Variants in RCAN2 observed in about 807,000 individuals in gnomAD.
The protein encoded by RCAN2 is calcipressin-2.
RCAN2 carries 9 observed loss-of-function variants against 23.6 expected under a neutral mutation model. The observed-to-expected ratio is 0.38, with a 90% CI of 0.23 to 0.67. The LOEUF (loss-of-function observed/expected upper bound fraction) is 0.67, where lower values mean the gene tolerates loss of function less well. RCAN2 is among the 30% of genes least tolerant of loss of function. The pLI, the probability that RCAN2 is intolerant of heterozygous loss-of-function variation, is 0.51. For synonymous variants in RCAN2, 109 were observed against 115.7 expected, an observed-to-expected ratio of 0.94 and a Z score of 0.37; for missense variants, 273 against 302.3, an observed-to-expected ratio of 0.90 and a Z score of 0.72.
At chr6:46,354,084 C>A (rs942073378) in intron 2 of RCAN2, among the ~76,000 whole-genome samples, 3 of 152,008 alleles carry the variant, frequency 2.0e-5, no homozygotes, top group Non-Finnish European at 4.4e-5. Context: ...AGTTAAGTTT[C>A]CTTTTAAATG....
chr6:46,285,643 T>A (rs1656101340), intron 2 of RCAN2, among the ~76,000 whole-genome samples: 1 of 152,250 alleles, frequency 6.6e-6, no homozygotes, highest in South Asian at 2.1e-4. Flanking sequence ...CTTCCCTACC[T>A]ACTTTTCCTT....
At chr6:46,285,055 G>T (rs1366366421) in intron 2 of RCAN2, among the ~76,000 whole-genome samples, 1 of 152,052 alleles carries the variant, frequency 6.6e-6, no homozygotes, top group Admixed American at 6.6e-5. Flanking sequence ...ATCTATACAT[G>T]TTTGCTTTGC....
intron 2 of RCAN2, among the ~76,000 whole-genome samples, chr6:46,379,207 C>A (rs747670852): frequency 3.3e-5 from 5 of 152,172 alleles, no homozygotes; most frequent in Non-Finnish European, 5.9e-5. Context: ...GTACATCAAA[C>A]CTGCTGGGCC....
At chr6:46,385,649 G>C (rs1344836348) in intron 2 of RCAN2, among the ~76,000 whole-genome samples, 2 of 151,996 alleles carry the variant, frequency 1.3e-5, no homozygotes, top group African/African-American at 4.8e-5. Flanking sequence ...TTGAGGTCAG[G>C]AGTTCGAGAC....
chr6:46,287,127 G>A (rs1297973925), intron 2 of RCAN2, among the ~76,000 whole-genome samples: 2 of 152,190 alleles, frequency 1.3e-5, no homozygotes, highest in Admixed American at 6.5e-5. Flanking sequence ...AGAATGGGAA[G>A]AGGTCCTTCA....
At chr6:46,396,052 A>T (rs1036466813) in intron 2 of RCAN2, among the ~76,000 whole-genome samples, 1 of 152,214 alleles carries the variant, frequency 6.6e-6, no homozygotes, top group Non-Finnish European at 1.5e-5. Context: ...TCAACATGTT[A>T]TCACCTAATT....
intron 2 of RCAN2, among the ~76,000 whole-genome samples, chr6:46,327,036 T>C (rs999087295): frequency 1.3e-5 from 2 of 152,222 alleles, no homozygotes; most frequent in African/African-American, 4.8e-5. Context: ...CATATATGCA[T>C]ATAATCCAAC....
chr6:46,467,537 C>T (rs1166365561), intron 1 of RCAN2, among the ~76,000 whole-genome samples: 2 of 152,238 alleles, frequency 1.3e-5, no homozygotes, highest in African/African-American at 4.8e-5. Flanking sequence ...AGCTCCTCCT[C>T]TCTTTCCTAG....
intron 2 of RCAN2, among the ~76,000 whole-genome samples, chr6:46,293,988 A>C (rs1762642693): frequency 6.6e-6 from 1 of 152,182 alleles, no homozygotes; most frequent in African/African-American, 2.4e-5. Flanking sequence ...TACTGTATTT[A>C]TGTGCATCTT....
At chr6:46,412,449 TAG>T (rs1766574804) in intron 2 of RCAN2, among the ~76,000 whole-genome samples, 1 of 152,132 alleles carries the variant, frequency 6.6e-6, no homozygotes, top group South Asian at 2.1e-4. Context: ...ATGGCATTCA[TAG>T]CTATGGGGCT....
At chr6:46,470,667 A>T (rs1768533767) in intron 1 of RCAN2, among the ~76,000 whole-genome samples, 1 of 152,212 alleles carries the variant, frequency 6.6e-6, no homozygotes, top group Admixed American at 6.5e-5. Flanking sequence ...TATATTTCTT[A>T]AAACTGGTTT....
chr6:46,472,650 C>T (rs1423599416), intron 1 of RCAN2, among the ~76,000 whole-genome samples: 1 of 152,152 alleles, frequency 6.6e-6, no homozygotes, highest in Non-Finnish European at 1.5e-5. Flanking sequence ...TTCCAACCTG[C>T]AAATGCAGAT....
At chr6:46,279,224 T>A (rs1384314257) in intron 2 of RCAN2, among the ~76,000 whole-genome samples, 1 of 152,214 alleles carries the variant, frequency 6.6e-6, no homozygotes, top group Non-Finnish European at 1.5e-5. Flanking sequence ...CTGTTGATTC[T>A]CACTGTACCC....
chr6:46,362,131 A>T (rs948004771), intron 2 of RCAN2, among the ~76,000 whole-genome samples: 8 of 152,328 alleles, frequency 5.3e-5, no homozygotes, highest in Middle Eastern at 3.4e-3. Context: ...CAAGATCATG[A>T]TTGGGAAGAC....
chr6:46,262,179 A>G (rs1020466012), intron 2 of RCAN2, among the ~76,000 whole-genome samples: 1 of 151,832 alleles, frequency 6.6e-6, no homozygotes. Context: ...GGGCCTCTAA[A>G]TCTGCCACTC....
At chr6:46,224,703 T>G (rs1196100289) in intron 4 of RCAN2, among the ~76,000 whole-genome samples, 14 of 152,166 alleles carry the variant, frequency 9.2e-5, no homozygotes. Flanking sequence ...TATTGTCAGT[T>G]CCAGTGACAG....
chr6:46,344,155 C>T (rs1298163513), intron 2 of RCAN2, among the ~76,000 whole-genome samples: 2 of 152,082 alleles, frequency 1.3e-5, no homozygotes, highest in African/African-American at 4.8e-5. Context: ...TGTAAATTTG[C>T]TAGTAATCAT....
At chr6:46,279,974 T>C (rs184638120) in intron 2 of RCAN2, among the ~76,000 whole-genome samples, 32 of 152,332 alleles carry the variant, frequency 2.1e-4, no homozygotes, top group African/African-American at 7.7e-4. Flanking sequence ...GTGGTTGTTG[T>C]TATCATCCTT....
At chr6:46,477,124 C>G (rs1426776156) in intron 1 of RCAN2, among the ~76,000 whole-genome samples, 1 of 152,168 alleles carries the variant, frequency 6.6e-6, no homozygotes, top group East Asian at 1.9e-4. Context: ...AAACCTCCCT[C>G]TATGTAACTC....
Sources: allele counts gnomAD v4.1 joint callset (sites outside exome capture counted in the v4.1 genomes callset), GRCh38; gene constraint gnomAD v4.1.1; transcripts MANE v1.5; gene names NCBI Gene and HGNC (gene_info 2026-07-23, HGNC 2026-07-21).